Variants in VIL1 observed in about 807,000 individuals in gnomAD.
VIL1 encodes villin 1.
Under a neutral mutation model 104.0 loss-of-function variants are expected in VIL1, and 86 were observed. The ratio of observed to expected loss-of-function variants is 0.83; its 90% CI spans 0.69 to 0.99. The LOEUF is 0.99. Ranked by LOEUF, VIL1 falls within the 50% of genes least tolerant of loss-of-function variation. The pLI is 0.00. For synonymous variants in VIL1, 394 were observed against 412.6 expected (o/e 0.95, Z 0.55); for missense variants, 944 against 1,054.1 (o/e 0.90, Z 1.45).
intron 19 of VIL1, among the ~76,000 whole-genome samples, chr2:218,445,100 T>G (rs1689343238): frequency 6.6e-6 from 1 of 152,046 alleles, no homozygotes; most frequent in Non-Finnish European, 1.5e-5. Flanking sequence ...ACTCTCTTCT[T>G]CCAAAACCAA....
At chr2:218,437,334 T>C in intron 17 of VIL1, 22 bp downstream of exon 17, 1 of 1,609,476 alleles carries the variant, frequency 6.2e-7, no homozygotes, top group Non-Finnish European at 8.5e-7. Flanking sequence ...CATCCCAGCA[T>C]GTCCTTCTCT....
intron 19 of VIL1, among the ~76,000 whole-genome samples, chr2:218,442,305 GT>G (rs1377257405): frequency 6.6e-6 from 1 of 152,146 alleles, no homozygotes; most frequent in African/African-American, 2.4e-5. Context: ...GTCCTTTGAG[GT>G]TTAGATACAT....
rs1366805838 is a variant in VIL1 at position 218,428,346 on chromosome 2, G to T, written c.567+9G>T. 6.2e-7 allele frequency: 1 copy of T among 1,611,082 alleles called. No homozygotes were observed. The highest frequency in any genetic ancestry group is 8.5e-7 in the Non-Finnish European group (1 of 1,177,374). The stretch of plus-strand genomic sequence containing the variant: ...GTATGGAGAGACTCAGGGTAAACCT[G>T]CCCATGCACCACACCTCCCTCTCGA... On this transcript the variant is annotated intron_variant, in intron 6 of 19. Coordinates refer to ENST00000248444, the MANE Select transcript of VIL1 (RefSeq NM_007127.3).
intron 17 of VIL1, among the ~76,000 whole-genome samples, chr2:218,438,081 C>T (rs1332567580): frequency 6.6e-6 from 1 of 152,174 alleles, no homozygotes; most frequent in Non-Finnish European, 1.5e-5. Context: ...GGCAGCATAT[C>T]GAGATGCCAG....
chr2:218,435,453 C>G lies in VIL1; in HGVS notation c.1826+19C>G. 1 of 1,610,264 alleles carries G rather than the reference C, an allele frequency of 6.2e-7. No individual in the cohort carries two copies. Among genetic ancestry groups the G allele is most frequent in the Non-Finnish European group, 8.5e-7 (1 of 1,177,494 alleles). On this transcript the variant is annotated intron_variant, in intron 15 of 19. Transcript: ENST00000248444. ...CCAAGAGGTAACTCTCAGGTCCCTC[C>G]GCCTCCAGGTTACCAAGGTGGGGGA...
intron 2 of VIL1, 44 bp from the exon 3 acceptor site, chr2:218,424,233 C>A: frequency 6.3e-7 from 1 of 1,586,412 alleles, no homozygotes; most frequent in Non-Finnish European, 8.7e-7. Context: ...CCTAGGGGTC[C>A]TGGTGGTCCA....
Position 218,432,893 on chromosome 2 carries a change from T to G in VIL1, c.1442T>G (p.Met481Arg). 2 of 1,614,198 alleles carry G rather than the reference T, an allele frequency of 1.2e-6. No individual in the cohort carries two copies. Among genetic ancestry groups the G allele is most frequent in the Non-Finnish European group, 1.7e-6 (2 of 1,180,034 alleles). ...GAACCAGTCCAGATCCGGGTCCCAA[T>G]GGGCAAGGAGCCACCTCATCTTATG... ...NGEPVQIRVP[M>R]GKEPPHLMSI... is the part of the protein sequence containing the mutation. The change falls in exon 13 of 20, where the codon ATG (methionine) becomes AGG (arginine). Residue 481 changes from methionine (M) to arginine (R), a missense_variant. Met to Arg is a moderately conservative substitution (Grantham distance 91). Coordinates refer to ENST00000248444, the MANE Select transcript of VIL1 (RefSeq NM_007127.3).
Position 218,435,379 on chromosome 2 carries a change from C to G in VIL1, c.1771C>G (p.Pro591Ala). ...GCAAGTGGTGGTGGAAGGGCAGGAGCCAGCCAACTTCTGGATGGCCCTGGG... is the reference window on the plus strand; with the variant it reads ...GCAAGTGGTGGTGGAAGGGCAGGAGGCAGCCAACTTCTGGATGGCCCTGGG... ...EKQVVVEGQE[P>A]ANFWMALGGK... Residue 591 changes from proline (P) to alanine (A), a missense_variant, in exon 15 of 20, where the codon CCA becomes GCA. Pro to Ala is a conservative substitution (Grantham distance 27, BLOSUM62 -1). Transcript: ENST00000248444. 6.2e-7 allele frequency: 1 copy of G among 1,614,148 alleles called. No individual in the cohort carries two copies. The highest frequency in any genetic ancestry group is 8.5e-7 in the Non-Finnish European group (1 of 1,180,010).
intron 4 of VIL1, among the ~76,000 whole-genome samples, chr2:218,426,377 C>T (rs1689003079): frequency 6.6e-6 from 1 of 152,098 alleles, no homozygotes; most frequent in African/African-American, 2.4e-5. Flanking sequence ...GCCTCAGCCT[C>T]CCCAGTAGCT....
In VIL1 at chr2:218,432,180, G is replaced by A; in HGVS notation, c.1338G>A (p.Trp446Ter). Residue 446 changes from tryptophan (W) to a stop codon, truncating the protein, a stop_gained, in exon 12 of 20, where the codon TGG becomes TGA. Coordinates refer to ENST00000248444, the MANE Select transcript of VIL1 (RefSeq NM_007127.3). LOFTEE classifies it high-confidence loss of function. ...AGCAGCATTACCTGCTCTACGTTTG[G>A]CAGGTCAGGTCCCGCCACGTCCCAC... ...GEKQHYLLYV[W>*]QGSQASQDEI... 1 of 1,612,182 alleles carries A rather than the reference G, an allele frequency of 6.2e-7. No homozygotes were observed. Among genetic ancestry groups the A allele is most frequent in the Non-Finnish European group, 8.5e-7 (1 of 1,179,530 alleles).
At chr2:218,419,210 G>A (rs1435452212) in intron 1 of VIL1, 42 bp downstream of exon 1, 1 of 152,300 alleles carries the variant, frequency 6.6e-6, no homozygotes, top group Non-Finnish European at 1.5e-5. Flanking sequence ...CTTAGGTGGT[G>A]CGAGGGGACG....
At chr2:218,436,239 T>C (rs1004675567) in intron 15 of VIL1, among the ~76,000 whole-genome samples, 3 of 152,070 alleles carry the variant, frequency 2.0e-5, no homozygotes, top group African/African-American at 7.2e-5. Context: ...AGGGAAGATA[T>C]CAGGAAGAAC....
intron 15 of VIL1, among the ~76,000 whole-genome samples, chr2:218,435,896 A>G (rs1436365417): frequency 1.3e-5 from 2 of 152,132 alleles, no homozygotes; most frequent in African/African-American, 2.4e-5. Context: ...GCAGTGGTGC[A>G]ATCTCAGCTC....
At chr2:218,435,191 G>T in intron 14 of VIL1, 98 bp from the exon 15 acceptor site, 2 of 1,530,056 alleles carry the variant, frequency 1.3e-6, no homozygotes, top group East Asian at 2.3e-5. Context: ...CCTGACCCAG[G>T]AGAGCCCTCT....
At position 218,432,114 on chromosome 2, in the gene VIL1, C is replaced by T. The variant is rs35716557; in HGVS notation, c.1272C>T (p.Gly424=). ...AGTGGCTAGGCCACTTCTATGGGGG[C>T]GACTGCTACCTGCTGCTCTACACCT... The part of the protein sequence containing the change: ...DSKWLGHFYG[G]DCYLLLYTYL... Residue 424 remains glycine (G), a synonymous_variant, in exon 12 of 20, where the codon GGC becomes GGT. Transcript: ENST00000248444. 35,582 of 1,613,764 alleles carry T rather than the reference C, an allele frequency of 0.022. 518 individuals are homozygous for T. Among genetic ancestry groups the T allele is most frequent in the Middle Eastern group, 0.043 (262 of 6,054 alleles).
chr2:218,430,589 A>G (rs1689077050), intron 9 of VIL1, 136 bp from the exon 10 acceptor site: 2 of 1,157,952 alleles, frequency 1.7e-6, no homozygotes, highest in Non-Finnish European at 1.2e-6. Flanking sequence ...TAGCATTGGG[A>G]TTGGGTTTGG....
In VIL1 at chr2:218,428,002, G is replaced by T; in HGVS notation, c.385G>T (p.Val129Leu). The T allele has an allele frequency of 1.9e-6, 3 of 1,614,164 alleles. No homozygotes were observed. The highest frequency in any genetic ancestry group is 2.5e-6 in the Non-Finnish European group (3 of 1,180,028). The change falls in exon 5 of 20, where the codon GTG (valine) becomes TTG (leucine). Residue 129 changes from valine (V) to leucine (L), a missense_variant. Val to Leu is a conservative substitution (Grantham distance 32, BLOSUM62 1). Transcript: ENST00000248444. ...KGGVASGMKH[V>L]ETNSYDVQRL... Reference sequence around the variant, plus strand: ...GGGCGTGGCTTCTGGCATGAAGCACGTGGAGACCAACTCCTATGACGTCCA... The same window carrying T: ...GGGCGTGGCTTCTGGCATGAAGCACTTGGAGACCAACTCCTATGACGTCCA...
At chr2:218,432,727 G>T in intron 12 of VIL1, 66 bp from the exon 13 acceptor site, 1 of 1,595,572 alleles carries the variant, frequency 6.3e-7, no homozygotes, top group South Asian at 1.1e-5. Context: ...TTGTTGCTGA[G>T]GCTGAGGATG....
Position 218,425,839 on chromosome 2 carries a change from G to A in VIL1, c.347+28G>A, listed in dbSNP as rs777627115. ...AGGGAGGGTGGGCTGCAGGCCGGGGGAATGAGGATGAGTGGTAGGGATAGA... is the reference window on the plus strand; with the variant it reads ...AGGGAGGGTGGGCTGCAGGCCGGGGAAATGAGGATGAGTGGTAGGGATAGA... On this transcript the variant is annotated intron_variant, in intron 4 of 19. Transcript: ENST00000248444. 1.8e-5 allele frequency: 29 copies of A among 1,581,864 alleles called. No homozygotes were observed. The South Asian group carries it at 2.9e-4, about 16-fold the overall frequency.
Sources: gnomAD v4.1 joint callset for allele counts (sites outside exome capture counted in the v4.1 genomes callset) on GRCh38, gnomAD v4.1.1 for gene constraint, MANE v1.5 for transcripts, NCBI Gene and HGNC (gene_info 2026-07-23, HGNC 2026-07-21) for gene names.